The following AKAP17A variants were observed in gnomAD, a reference collection of about 807,000 sequenced individuals.
AKAP17A encodes A-kinase anchoring protein 17A, also known as A-kinase anchor protein 17A.
Under a neutral mutation model 52.2 loss-of-function variants are expected in AKAP17A, and 15 were observed. That is an observed-to-expected ratio of 0.29 (90% CI 0.19 to 0.44). AKAP17A has a LOEUF of 0.44. Among genes scored for constraint, AKAP17A ranks in the 20% least tolerant of loss-of-function variants. The probability of loss-of-function intolerance (pLI) is 1.00; values close to 1 mark genes in which losing one functional copy is unlikely to be tolerated. For missense variants in AKAP17A, 1,060 were observed against 1,007.0 expected, an observed-to-expected ratio of 1.05 and a Z score of -0.71; for synonymous variants, 514 against 424.7, an observed-to-expected ratio of 1.21 and a Z score of -2.58.
intron 4 of AKAP17A, chrX:1,600,129 T>C: frequency 1.5e-6 from 2 of 1,301,792 alleles, no homozygotes; most frequent in Non-Finnish European, 2.0e-6. Flanking sequence ...ACCTGTTGTC[T>C]GATTACAGTT....
chrX:1,593,969 C>G lies in AKAP17A; in HGVS notation c.507C>G (p.Pro169=). The change falls in exon 2 of 5, where the codon CCC becomes CCG. Residue 169 remains proline, a synonymous_variant. Coordinates refer to ENST00000313871, the MANE Select transcript of AKAP17A (RefSeq NM_005088.3). ...FALKESGSEK[P]SEDVLVKVFE... ...TGAAGGAGTCGGGCTCCGAGAAGCC[C>G]AGCGAGGACGTCCTGGTCAAGGTGT... The G allele has an allele frequency of 6.2e-7, 1 of 1,602,226 alleles. No individual in the cohort carries two copies. Among genetic ancestry groups the G allele is most frequent in the East Asian group, 2.2e-5 (1 of 44,738 alleles).
chrX:1,593,968 C>A lies in AKAP17A; in HGVS notation c.506C>A (p.Pro169His). The A allele has an allele frequency of 6.2e-7, 1 of 1,601,988 alleles. No individual in the cohort carries two copies. The highest frequency in any genetic ancestry group is 8.5e-7 in the Non-Finnish European group (1 of 1,172,812). The change falls in exon 2 of 5, where the codon CCC becomes CAC. Residue 169 changes from proline to histidine, a missense_variant. By Grantham distance (77) the Pro-to-His change is moderately conservative. Coordinates refer to ENST00000313871, the MANE Select transcript of AKAP17A (RefSeq NM_005088.3). The part of the protein sequence containing the change: ...FALKESGSEK[P>H]SEDVLVKVFE... ...CTGAAGGAGTCGGGCTCCGAGAAGC[C>A]CAGCGAGGACGTCCTGGTCAAGGTG...
intron 3 of AKAP17A, among the ~76,000 whole-genome samples, chrX:1,598,540 G>C (rs1569352902): frequency 6.6e-6 from 1 of 152,152 alleles, no homozygotes; most frequent in East Asian, 1.9e-4. Context: ...AAATGCATTT[G>C]AGAGCTGCGG....
Position 1,599,309 on chromosome X carries a change from G to C in AKAP17A, c.1029G>C (p.Lys343Asn). 6.2e-7 allele frequency: 1 copy of C among 1,609,638 alleles called. No individual in the cohort carries two copies. The highest frequency in any genetic ancestry group is 1.1e-5 in the South Asian group (1 of 90,570). The change falls in exon 4 of 5, where the codon AAG becomes AAC. Residue 343 changes from lysine (K) to asparagine (N), a missense_variant. Physicochemically the swap from Lys to Asn is moderately conservative, Grantham distance 94. This residue lies in a region of AKAP17A where 793 missense variants were observed against 629.9 expected (regional missense o/e 1.26). Coordinates refer to ENST00000313871, the MANE Select transcript of AKAP17A (RefSeq NM_005088.3). The part of the protein sequence containing the change: ...ELRRNQKKLE[K>N]LQAEEQKQLQ... ...GCCGGAATCAGAAGAAGCTGGAGAA[G>C]CTGCAGGCGGAGGAGCAGAAGCAGC...
At position 1,601,685 on chromosome X, in the gene AKAP17A, CT is replaced by C; in HGVS notation, c.*92del. On this transcript the variant is annotated 3_prime_UTR_variant, in exon 5 of 5. Coordinates refer to ENST00000313871, the MANE Select transcript of AKAP17A (RefSeq NM_005088.3). Reference sequence around the variant, plus strand: ...CTCCTTGGCCGCTCTCCGTCCACCCCTGCAAAGCCAAGACCCTTCTGCAGCC... The same window carrying C: ...CTCCTTGGCCGCTCTCCGTCCACCCCGCAAAGCCAAGACCCTTCTGCAGCC... 1.6e-6 allele frequency: 2 copies of C among 1,257,324 alleles called. No individual in the cohort carries two copies. The highest frequency in any genetic ancestry group is 1.0e-6 in the Non-Finnish European group (1 of 972,016). The allele number at this position is 1,257,324 out of a possible 1,614,324, so 77.9% of individuals were successfully genotyped here.
intron 2 of AKAP17A, 43 bp downstream of exon 2, chrX:1,594,267 G>T: frequency 6.7e-7 from 1 of 1,499,330 alleles, no homozygotes. Flanking sequence ...TCCTCCCTCT[G>T]GCGACTTCCT....
intron 3 of AKAP17A, among the ~76,000 whole-genome samples, 191 bp downstream of exon 3, chrX:1,595,723 A>C (rs1302882573): frequency 2.0e-5 from 3 of 151,178 alleles, no homozygotes; most frequent in Middle Eastern, 3.4e-3. Flanking sequence ...GTATGTCCCT[A>C]TGTGCGCCCG....
At position 1,602,513 on chromosome X, in the gene AKAP17A, A is replaced by T. The variant is rs1933444154; in HGVS notation, c.*919A>T. ...GGTGAAATAAAATCCTTTTCCAATG[A>T]ACTAAAATTTTTCACGCTTACGATT... On this transcript the variant is annotated 3_prime_UTR_variant, in exon 5 of 5. Coordinates refer to ENST00000313871, the MANE Select transcript of AKAP17A (RefSeq NM_005088.3). The T allele has an allele frequency of 6.6e-6, 1 of 152,204 alleles. No homozygotes were observed. Among genetic ancestry groups the T allele is most frequent in the Non-Finnish European group, 1.5e-5 (1 of 68,038 alleles). The allele number at this position is 152,204 out of a possible 1,614,324, so 9.4% of individuals were successfully genotyped here. A position where few individuals can be genotyped will look rare whatever the true frequency, so the allele number is the denominator to read the frequency against.
intron 3 of AKAP17A, among the ~76,000 whole-genome samples, chrX:1,598,521 T>G (rs1933149484): frequency 6.6e-6 from 1 of 151,830 alleles, no homozygotes; most frequent in Non-Finnish European, 1.5e-5. Context: ...CCATGTCCGG[T>G]GTTGGTTGAA....
At chrX:1,594,637 G>A (rs1308363502) in intron 2 of AKAP17A, among the ~76,000 whole-genome samples, 22 of 145,018 alleles carry the variant, frequency 1.5e-4, no homozygotes, top group Admixed American at 4.9e-4. Context: ...TTTTTTTTTC[G>A]AGGCAGAGTC....
intron 3 of AKAP17A, among the ~76,000 whole-genome samples, chrX:1,597,313 G>C (rs1341846527): frequency 6.6e-6 from 1 of 152,184 alleles, no homozygotes; most frequent in Non-Finnish European, 1.5e-5. Flanking sequence ...CAGGTGCAGT[G>C]TGTAAGCGAG....
At chrX:1,593,409 G>A (rs1218519921) in intron 1 of AKAP17A, 35 bp from the exon 2 acceptor site, 3 of 1,565,588 alleles carry the variant, frequency 1.9e-6, no homozygotes, top group Non-Finnish European at 2.6e-6. Context: ...GAGGTGGGGG[G>A]TGCTGGTGCT....
chrX:1,599,442 G>A lies in AKAP17A; in HGVS notation c.1152+10G>A, dbSNP rs1388542545. On this transcript the variant is annotated intron_variant, in intron 4 of 4. Coordinates refer to ENST00000313871, the MANE Select transcript of AKAP17A (RefSeq NM_005088.3). Reference sequence around the variant, plus strand: ...GCTCAGCAGAGCCAAGGTACCCGGGGGCTCCCTCTGCAGCCGCCAGCCGCG... The same window carrying A: ...GCTCAGCAGAGCCAAGGTACCCGGGAGCTCCCTCTGCAGCCGCCAGCCGCG... The A allele has an allele frequency of 1.3e-6, 2 of 1,557,238 alleles. No homozygotes were observed. Among genetic ancestry groups the A allele is most frequent in the Admixed American group, 3.9e-5 (2 of 51,440 alleles).
intron 3 of AKAP17A, among the ~76,000 whole-genome samples, chrX:1,596,901 A>T (rs1179002493): frequency 7.5e-6 from 1 of 133,498 alleles, no homozygotes; most frequent in Admixed American, 7.4e-5. Context: ...CGTCCCTCCC[A>T]CCCTCCTAGT....
chrX:1,597,885 G>C (rs1194702500), intron 3 of AKAP17A, among the ~76,000 whole-genome samples: 1 of 152,110 alleles, frequency 6.6e-6, no homozygotes. Context: ...CCCCGGGGAG[G>C]GGCAGGCCTG....
chrX:1,592,539 CCA>C (rs1237591780), intron 1 of AKAP17A, among the ~76,000 whole-genome samples: 1 of 151,996 alleles, frequency 6.6e-6, no homozygotes, highest in African/African-American at 2.4e-5. Context: ...CCCTGGTGCC[CCA>C]CTGACCTTTT....
At chrX:1,597,596 G>C (rs1365113601) in intron 3 of AKAP17A, among the ~76,000 whole-genome samples, 1 of 151,964 alleles carries the variant, frequency 6.6e-6, no homozygotes, top group Non-Finnish European at 1.5e-5. Context: ...CCCAGGCCTG[G>C]CTGAATGTGC....
chrX:1,600,924 C>A lies in AKAP17A; in HGVS notation c.1418C>A (p.Thr473Asn). The A allele has an allele frequency of 4.4e-6, 7 of 1,574,618 alleles. No individual in the cohort carries two copies. Among genetic ancestry groups the A allele is most frequent in the Non-Finnish European group, 6.0e-6 (7 of 1,163,796 alleles). ...CAGCCCGTCCTGGACATCCTGCAGA[C>A]CGTGTCGTCCGGCTGTGTGAGCGCC... is the stretch of plus-strand genomic sequence containing the variant. ...LLQPVLDILQ[T>N]VSSGCVSATT... The change falls in exon 5 of 5, where the codon ACC becomes AAC. Residue 473 changes from threonine to asparagine, a missense_variant. By Grantham distance (65) the Thr-to-Asn change is moderately conservative. Around this residue, in one of 2 missense-constraint regions of AKAP17A, gnomAD observed 793 missense variants for 629.9 expected, o/e 1.26. Transcript: ENST00000313871.
Position 1,595,432 on chromosome X carries a change from C to T in AKAP17A, c.811C>T (p.Arg271Trp). 1 of 1,613,930 alleles carries T rather than the reference C, an allele frequency of 6.2e-7. No individual in the cohort carries two copies. The highest frequency in any genetic ancestry group is 8.5e-7 in the Non-Finnish European group (1 of 1,179,882). The change falls in exon 3 of 5, where the codon CGG becomes TGG. Residue 271 changes from arginine to tryptophan, a missense_variant. Arg to Trp is a moderately radical substitution (Grantham distance 101). Transcript: ENST00000313871. ...KHLSDASIKK[R>W]QLERQKLQEL... Reference sequence around the variant, plus strand: ...CCTGAGTGATGCCTCAATTAAGAAGCGGCAGCTGGAGAGGCAGAAGCTTCA... The same window carrying T: ...CCTGAGTGATGCCTCAATTAAGAAGTGGCAGCTGGAGAGGCAGAAGCTTCA...
Sources: gnomAD v4.1 joint callset for allele counts (sites outside exome capture counted in the v4.1 genomes callset) on GRCh38, gnomAD v4.1.1 for gene constraint, gnomAD v4.1.1 regional missense constraint, MANE v1.5 for transcripts, NCBI Gene and HGNC (gene_info 2026-07-23, HGNC 2026-07-21) for gene names.